The following KNL1 variants were observed in gnomAD, a reference collection of about 807,000 sequenced individuals.
The protein encoded by KNL1 is kinetochore scaffold 1.
Under a neutral mutation model 201.3 loss-of-function variants are expected in KNL1, and 66 were observed. The observed-to-expected ratio is 0.33, with a 90% CI of 0.27 to 0.40. The LOEUF is 0.40. KNL1 is among the 10% of genes least tolerant of loss of function. The pLI is 1.00. For missense variants in KNL1, 2,815 were observed against 2,690.5 expected (o/e 1.05, Z -1.02); for synonymous variants, 895 against 899.2 (o/e 1.00, Z 0.08).
chr15:40,657,520 T>C, intron 24 of KNL1, 47 bp downstream of exon 24: 1 of 995,900 alleles, frequency 1.0e-6, no homozygotes, highest in Non-Finnish European at 1.6e-6. Context: ...GTACTACAAA[T>C]TGGGTACCTT....
intron 20 of KNL1, 75 bp downstream of exon 20, chr15:40,651,647 G>T: frequency 2.0e-6 from 2 of 1,025,372 alleles, no homozygotes; most frequent in Non-Finnish European, 2.9e-6. Context: ...TGGAGCAATT[G>T]ATGTATTTTT....
At chr15:40,656,936 T>G in intron 22 of KNL1, 106 bp from the exon 23 acceptor site, 2 of 512,330 alleles carry the variant, frequency 3.9e-6, no homozygotes, top group Non-Finnish European at 6.9e-6. Context: ...ATGTACCTGG[T>G]AGTTTGAGAA....
rs748300152 is a variant in KNL1, at chr15:40,640,959, A to G, written c.5730A>G (p.Gln1910=). The change falls in exon 14 of 26, where the codon CAA becomes CAG. Residue 1910 remains glutamine, a synonymous_variant. Coordinates refer to ENST00000399668, the MANE Select transcript of KNL1 (RefSeq NM_144508.5). ...CTCCAGAAGACCTGATGTTAAGTCA[A>G]TATGTTTACCGACCCAAGATACAGA... ...PPTPEDLMLS[Q]YVYRPKIQIY... 12 of 1,613,530 alleles carry G rather than the reference A, an allele frequency of 7.4e-6. No individual in the cohort carries two copies. Among genetic ancestry groups the G allele is most frequent in the African/African-American group, 2.7e-5 (2 of 75,026 alleles).
chr15:40,633,031 A>G (rs909924670), intron 13 of KNL1, among the ~76,000 whole-genome samples: 1 of 152,136 alleles, frequency 6.6e-6, no homozygotes, highest in African/African-American at 2.4e-5. Context: ...AGGGGGTCCC[A>G]TAGGATTTTT....
At chr15:40,656,395 T>C (rs1893733628) in intron 22 of KNL1, among the ~76,000 whole-genome samples, 1 of 151,752 alleles carries the variant, frequency 6.6e-6, no homozygotes, top group Non-Finnish European at 1.5e-5. Context: ...ATCATGCCAC[T>C]GCACTCCAGC....
intron 13 of KNL1, among the ~76,000 whole-genome samples, chr15:40,633,081 T>G (rs1449227926): frequency 6.6e-6 from 1 of 151,744 alleles, no homozygotes; most frequent in Non-Finnish European, 1.5e-5. Context: ...ATAATTCCAG[T>G]GCTTTGGGAG....
intron 25 of KNL1, among the ~76,000 whole-genome samples, chr15:40,661,872 C>G (rs986776179): frequency 6.6e-6 from 1 of 152,022 alleles, no homozygotes; most frequent in Non-Finnish European, 1.5e-5. Context: ...GAAACCCCAT[C>G]TCTACTAAAA....
chr15:40,625,299 A>G lies in KNL1; in HGVS notation c.5035A>G (p.Thr1679Ala), dbSNP rs1402102725. 3.7e-6 allele frequency: 6 copies of G among 1,614,010 alleles called. No individual in the cohort carries two copies. Among genetic ancestry groups the G allele is most frequent in the Non-Finnish European group, 5.1e-6 (6 of 1,179,996 alleles). Residue 1679 changes from threonine to alanine, a missense_variant, in exon 10 of 26, where the codon ACT becomes GCT. Thr to Ala is a moderately conservative substitution (Grantham distance 58). This residue lies in a region of KNL1 where 2,464 missense variants were observed against 2,291.7 expected (regional missense o/e 1.08). Coordinates refer to ENST00000399668, the MANE Select transcript of KNL1 (RefSeq NM_144508.5). ...DDLEQIPADTTDINHLETQPV... is the reference protein window; with the variant it reads ...DDLEQIPADTADINHLETQPV... Reference sequence around the variant, plus strand: ...CCTGGAACAGATTCCAGCAGACACAACTGATATAAATCACTTAGAAACTCA... The same window carrying G: ...CCTGGAACAGATTCCAGCAGACACAGCTGATATAAATCACTTAGAAACTCA...
chr15:40,659,436 A>G lies in KNL1; in HGVS notation c.6811A>G (p.Ile2271Val), dbSNP rs1013788178. 1.2e-6 allele frequency: 2 copies of G among 1,613,794 alleles called. No homozygotes were observed. Among genetic ancestry groups the G allele is most frequent in the Admixed American group, 1.7e-5 (1 of 59,992 alleles). Reference protein sequence around the residue: ...YYPSVPLPSTIQNHVGNTSQD... With the variant: ...YYPSVPLPSTVQNHVGNTSQD... ...TCCATCTGTACCATTACCTTCCACC[A>G]TTCAGAATCACGTTGGGAACACTAG... is the stretch of plus-strand genomic sequence containing the variant. Residue 2271 changes from isoleucine to valine, a missense_variant, in exon 25 of 26, where the codon ATT (isoleucine) becomes GTT (valine). Ile to Val is a conservative substitution (Grantham distance 29). Transcript: ENST00000399668.
chr15:40,602,929 A>G lies in KNL1; in HGVS notation c.-3A>G, dbSNP rs1421931324. On this transcript the variant is annotated 5_prime_UTR_variant, in exon 2 of 26. Coordinates refer to ENST00000399668, the MANE Select transcript of KNL1 (RefSeq NM_144508.5). Reference sequence around the variant, plus strand: ...ATTTGTTACAGAAAAGTTTTCTTCAAAAATGGATGGGGTGTCTTCAGAGGC... The same window carrying G: ...ATTTGTTACAGAAAAGTTTTCTTCAGAAATGGATGGGGTGTCTTCAGAGGC... 14 of 1,588,728 alleles carry G rather than the reference A, an allele frequency of 8.8e-6. No individual in the cohort carries two copies. The highest frequency in any genetic ancestry group is 1.2e-5 in the Non-Finnish European group (14 of 1,161,316).
At position 40,662,294 on chromosome 15, in the gene KNL1, A is replaced by G; in HGVS notation, c.*106A>G. ...TTTACGTCATTACAAGCTGAGTAAA[A>G]TTCCTTCTGATGATGTTATAGTTAA... On this transcript the variant is annotated 3_prime_UTR_variant, in exon 26 of 26. Coordinates refer to ENST00000399668, the MANE Select transcript of KNL1 (RefSeq NM_144508.5). 1.5e-6 allele frequency: 1 copy of G among 684,246 alleles called. No homozygotes were observed. The highest frequency in any genetic ancestry group is 2.6e-6 in the Non-Finnish European group (1 of 380,620). The allele number at this position is 684,246 out of a possible 1,614,324, so 42.4% of individuals were successfully genotyped here.
intron 7 of KNL1, among the ~76,000 whole-genome samples, chr15:40,612,934 A>G (rs994935443): frequency 1.3e-5 from 2 of 152,216 alleles, no homozygotes; most frequent in Non-Finnish European, 2.9e-5. Context: ...TTTTAAATGC[A>G]CATGCCCTTT....
At chr15:40,645,879 G>C in intron 16 of KNL1, 107 bp downstream of exon 16, 3 of 570,256 alleles carry the variant, frequency 5.3e-6, no homozygotes, top group Non-Finnish European at 8.5e-6. Flanking sequence ...AATAAGACTT[G>C]GGCAAAAACT....
At chr15:40,618,681 C>G (rs1447024460) in intron 8 of KNL1, among the ~76,000 whole-genome samples, 2 of 152,076 alleles carry the variant, frequency 1.3e-5, no homozygotes, top group Non-Finnish European at 2.9e-5. Flanking sequence ...GTTCCCAACA[C>G]AAAAGATAAA....
At chr15:40,619,359 T>TAC (rs1278056616) in intron 9 of KNL1, among the ~76,000 whole-genome samples, 1 of 149,138 alleles carries the variant, frequency 6.7e-6, no homozygotes, top group Non-Finnish European at 1.5e-5. Context: ...CAGTGTAATA[T>TAC]ATATATATAT....
intron 17 of KNL1, among the ~76,000 whole-genome samples, chr15:40,648,864 G>C (rs8037804): frequency 0.79 from 114,445 of 143,972 alleles, 45,910 homozygotes; most frequent in Non-Finnish European, 0.85. Context: ...GTATTTCACT[G>C]TCGTTACCCA....
rs186821869 is a variant in KNL1 at position 40,625,518 on chromosome 15, A to G, written c.5254A>G (p.Lys1752Glu). 2.5e-6 allele frequency: 4 copies of G among 1,611,070 alleles called. No individual in the cohort carries two copies. In the Admixed American group the frequency reaches 5.1e-5, roughly 20 times the overall value. Reference sequence around the variant, plus strand: ...AAAAGAGATTTCACCATATGAAAATAAAATGGGAAAAACTTGCAATAGCCA... The same window carrying G: ...AAAAGAGATTTCACCATATGAAAATGAAATGGGAAAAACTTGCAATAGCCA... ...YQKEISPYEN[K>E]MGKTCNSQKR... is the part of the protein sequence containing the mutation. The change falls in exon 10 of 26, where the codon AAA becomes GAA. Residue 1752 changes from lysine (K) to glutamate (E), a missense_variant. Lys to Glu is a moderately conservative substitution (Grantham distance 56). Around this residue, in one of 3 missense-constraint regions of KNL1, gnomAD observed 2,464 missense variants for 2,291.7 expected, o/e 1.08. Transcript: ENST00000399668.
chr15:40,646,534 A>C (rs775627637), intron 16 of KNL1, among the ~76,000 whole-genome samples: 6 of 152,052 alleles, frequency 3.9e-5, no homozygotes, highest in African/African-American at 1.4e-4. Context: ...TTAAGTTCCA[A>C]CCTAAAGCTT....
Position 40,625,298 on chromosome 15 carries a change from A to G in KNL1, c.5034A>G (p.Thr1678=). 6.2e-7 allele frequency: 1 copy of G among 1,614,150 alleles called. No homozygotes were observed. The highest frequency in any genetic ancestry group is 1.1e-5 in the South Asian group (1 of 91,084). Residue 1678 remains threonine, a synonymous_variant, in exon 10 of 26, where the codon ACA becomes ACG. Transcript: ENST00000399668. ...ACCTGGAACAGATTCCAGCAGACACAACTGATATAAATCACTTAGAAACTC... is the reference window on the plus strand; with the variant it reads ...ACCTGGAACAGATTCCAGCAGACACGACTGATATAAATCACTTAGAAACTC... The part of the protein sequence containing the change: ...IDDLEQIPAD[T]TDINHLETQP...
Sources: gnomAD v4.1 joint callset for allele counts (sites outside exome capture counted in the v4.1 genomes callset) on GRCh38, gnomAD v4.1.1 for gene constraint, gnomAD v4.1.1 regional missense constraint, MANE v1.5 for transcripts, NCBI Gene and HGNC (gene_info 2026-07-23, HGNC 2026-07-21) for gene names.